Variants in PRMT7 observed in about 807,000 individuals in gnomAD.
PRMT7 encodes the protein protein arginine methyltransferase 7, also known as protein arginine N-methyltransferase 7.
PRMT7 carries 75 observed loss-of-function variants against 85.4 expected under a neutral mutation model. The ratio of observed to expected loss-of-function variants is 0.88; its 90% CI spans 0.73 to 1.06. The LOEUF is 1.06. Among genes scored for constraint, PRMT7 ranks in the 50% least tolerant of loss-of-function variants. PRMT7 has a pLI of 0.00. For synonymous variants in PRMT7, 397 were observed against 359.5 expected, an observed-to-expected ratio of 1.10 and a Z score of -1.18; for missense variants, 868 against 915.2, an observed-to-expected ratio of 0.95 and a Z score of 0.67.
At chr16:68,356,304 TCTC>T (rs1472034886) in intron 17 of PRMT7, among the ~76,000 whole-genome samples, 1 of 152,280 alleles carries the variant, frequency 6.6e-6, no homozygotes, top group Non-Finnish European at 1.5e-5. Flanking sequence ...AGGAGTGACT[TCTC>T]CTGGAAGCAC....
chr16:68,359,250 C>G (rs1272366818), downstream of PRMT7: 1 of 152,492 alleles, frequency 6.6e-6, no homozygotes, highest in Non-Finnish European at 1.5e-5. Context: ...GAGCAGAGTA[C>G]CAGCTGCTTC....
Position 68,352,395 on chromosome 16 carries a change from G to A in PRMT7, c.1561G>A (p.Val521Ile), listed in dbSNP as rs762060510. ...CCAGGCAGCCTCGCTGCACGCTGTGGTTGTGGAGTTCAGGGTAGGCCACCC... is the reference window on the plus strand; with the variant it reads ...CCAGGCAGCCTCGCTGCACGCTGTGATTGTGGAGTTCAGGGTAGGCCACCC... ...MPQAASLHAV[V>I]VEFRDLWRIR... The change falls in exon 15 of 19, where the codon GTT becomes ATT. Residue 521 changes from valine to isoleucine, a missense_variant. Val to Ile is a conservative substitution (Grantham distance 29, BLOSUM62 3). Coordinates refer to ENST00000441236, the MANE Select transcript of PRMT7 (RefSeq NM_019023.5). The A allele has an allele frequency of 1.9e-6, 3 of 1,604,300 alleles. No homozygotes were observed. The highest frequency in any genetic ancestry group is 1.1e-5 in the South Asian group (1 of 90,968).
rs368837307 is a variant in PRMT7, at chr16:68,346,280, C to T, written c.1191C>T (p.Thr397=). Residue 397 remains threonine, a splice_region_variant and synonymous_variant, in exon 11 of 19, where the codon ACC becomes ACT. Transcript: ENST00000441236. ...ATCGATACGTCCAGGCTCTGAGGAC[C>T]GTAAGTGTCCAGCCCCTTGGCTTGT... The part of the protein sequence containing the change: ...RTDRYVQALR[T]VLKPDSVCLC... 32 of 1,614,144 alleles carry T rather than the reference C, an allele frequency of 2.0e-5. No homozygotes were observed. The African/African-American group carries it at 2.3e-4, about 11-fold the overall frequency.
chr16:68,345,330 T>C (rs968862861), intron 9 of PRMT7, among the ~76,000 whole-genome samples: 10 of 152,210 alleles, frequency 6.6e-5, no homozygotes, highest in Admixed American at 5.2e-4. Context: ...ATTTTTTTCC[T>C]TCAAAGGAAA....
At chr16:68,359,340 A>C (rs1433703298), downstream of PRMT7, 2 of 152,348 alleles carry the variant, frequency 1.3e-5, no homozygotes, top group African/African-American at 2.4e-5. Context: ...CCGGGCAGAG[A>C]GCCCAGCAGG....
chr16:68,311,241 A>G (rs2151259167), intron 1 of PRMT7, 142 bp downstream of exon 1: 1 of 470,138 alleles, frequency 2.1e-6, no homozygotes, highest in East Asian at 4.3e-5. Context: ...AGCTCGGGAC[A>G]CCCGGGCCTG....
At chr16:68,359,683 A>T (rs72792223), downstream of PRMT7, 1 of 152,782 alleles carries the variant, frequency 6.5e-6, no homozygotes, top group Non-Finnish European at 1.5e-5. Flanking sequence ...GCCCTGGGCC[A>T]GGCTGGGTGT....
intron 5 of PRMT7, among the ~76,000 whole-genome samples, chr16:68,327,771 A>G (rs1057192239): frequency 6.6e-6 from 1 of 151,908 alleles, no homozygotes; most frequent in African/African-American, 2.4e-5. Flanking sequence ...AACATGGCAA[A>G]ACCCCGCCTC....
intron 6 of PRMT7, among the ~76,000 whole-genome samples, chr16:68,330,594 C>CTTAT (rs926782082): frequency 3.3e-5 from 5 of 151,470 alleles, no homozygotes; most frequent in Admixed American, 2.0e-4. Flanking sequence ...TGGGTACTAT[C>CTTAT]TTATTTATTT....
Position 68,325,740 on chromosome 16 carries a change from G to A in PRMT7, c.282+908G>A, listed in dbSNP as rs369544872. Among the ~76,000 whole-genome samples the A allele has an allele frequency of 1.7e-3, 251 of 152,110 alleles. 3 individuals carry two copies. Among genetic ancestry groups the A allele is most frequent in the African/African-American group, 5.7e-3 (235 of 41,484 alleles). ...CAGGAGGCAGAGGTTACAGTGAGCC[G>A]AGATTGCGCCACTGCACTCCAGCCT... On this transcript the variant is annotated intron_variant, in intron 5 of 18. Coordinates refer to ENST00000441236, the MANE Select transcript of PRMT7 (RefSeq NM_019023.5).
chr16:68,339,997 T>C, intron 9 of PRMT7, 29 bp downstream of exon 9: 14 of 1,572,688 alleles, frequency 8.9e-6, no homozygotes, highest in African/African-American at 1.4e-5. Flanking sequence ...GCATGTGCCC[T>C]GTCAGGAAAC....
chr16:68,355,565 C>T, intron 16 of PRMT7, 158 bp from the exon 17 acceptor site: 1 of 683,578 alleles, frequency 1.5e-6, no homozygotes, highest in Non-Finnish European at 2.2e-6. Context: ...AGAGAAGTGG[C>T]AGAGAGGGGG....
chr16:68,336,997 C>G (rs760480581), intron 6 of PRMT7, among the ~76,000 whole-genome samples: 11 of 152,210 alleles, frequency 7.2e-5, no homozygotes, highest in Admixed American at 2.6e-4. Context: ...AAGTGATCCT[C>G]CTGCCTTGGC....
Position 68,339,432 on chromosome 16 carries a change from C to G in PRMT7, c.615C>G (p.Leu205=). ...KLFPIHVQTS[L]GEQVIVPPVD... ...TTCCCATCCACGTGCAGACCAGCCT[C>G]GGAGAGCAGGTCATCGTCCCTCCCG... The change falls in exon 8 of 19, where the codon CTC becomes CTG. Residue 205 remains leucine (L), a synonymous_variant. Coordinates refer to ENST00000441236, the MANE Select transcript of PRMT7 (RefSeq NM_019023.5). The G allele has an allele frequency of 6.2e-7, 1 of 1,614,176 alleles. No individual in the cohort carries two copies. The highest frequency in any genetic ancestry group is 8.5e-7 in the Non-Finnish European group (1 of 1,180,038).
Position 68,321,543 on chromosome 16 carries a change from G to A in PRMT7, c.132+81G>A, listed in dbSNP as rs538255477. 11 of 1,357,154 alleles carry A rather than the reference G, an allele frequency of 8.1e-6. No individual in the cohort carries two copies. In the South Asian group the frequency reaches 1.0e-4, roughly 12 times the overall value. 84.1% of individuals were successfully genotyped at this position (1,357,154 alleles called of 1,614,324 possible). On this transcript the variant is annotated intron_variant, in intron 4 of 18. Transcript: ENST00000441236. ...ACAAGAAGGTTAAGAATCCCTGGGG[G>A]TCATGATGTTAAATGATACTGAGAG...
chr16:68,356,842 GCAGGC>G, intron 18 of PRMT7, 45 bp downstream of exon 18: 1 of 1,555,620 alleles, frequency 6.4e-7, no homozygotes, highest in Non-Finnish European at 8.7e-7. Flanking sequence ...GACCCTGAGA[GCAGGC>G]GCCGCCTGGG....
chr16:68,318,700 A>G (rs1224547324), intron 3 of PRMT7: 2 of 152,030 alleles, frequency 1.3e-5, no homozygotes, highest in Admixed American at 6.6e-5. Flanking sequence ...CACCTGGCTA[A>G]TATTTGTGTT....
intron 16 of PRMT7, among the ~76,000 whole-genome samples, chr16:68,354,151 G>A (rs915220164): frequency 6.6e-6 from 1 of 152,156 alleles, no homozygotes; most frequent in Non-Finnish European, 1.5e-5. Context: ...CCTGAGGCTG[G>A]TGGATTGCTT....
chr16:68,353,437 A>C (rs780838091), intron 15 of PRMT7, 55 bp from the exon 16 acceptor site: 1 of 1,606,354 alleles, frequency 6.2e-7, no homozygotes, highest in Non-Finnish European at 8.5e-7. Flanking sequence ...TCTTGCTGCC[A>C]CGCTTCCCTG....
Sources: allele counts gnomAD v4.1 joint callset (sites outside exome capture counted in the v4.1 genomes callset), GRCh38; gene constraint gnomAD v4.1.1; transcripts MANE v1.5; gene names NCBI Gene and HGNC (gene_info 2026-07-23, HGNC 2026-07-21).